GAREM1: variants seen among roughly 807,000 people sequenced by gnomAD.
The protein encoded by GAREM1 is GRB2 associated regulator of MAPK1 subtype 1.
A neutral mutation model predicts 71.3 loss-of-function variants in GAREM1; 26 were observed. That is an observed-to-expected ratio of 0.36 (90% CI 0.27 to 0.51). The LOEUF (loss-of-function observed/expected upper bound fraction) is 0.51, where lower values mean the gene tolerates loss of function less well. Among genes scored for constraint, GAREM1 ranks in the 20% least tolerant of loss-of-function variants. The pLI is 0.95. For missense variants in GAREM1, 1,026 were observed against 1,103.1 expected, an observed-to-expected ratio of 0.93 and a Z score of 0.99; for synonymous variants, 440 against 433.2, an observed-to-expected ratio of 1.02 and a Z score of -0.20.
chr18:32,334,117 C>T (rs947448488), intron 2 of GAREM1, among the ~76,000 whole-genome samples: 2 of 152,070 alleles, frequency 1.3e-5, no homozygotes, highest in African/African-American at 4.8e-5. Flanking sequence ...AGAGCAGAAA[C>T]CCACACAAAC....
intron 2 of GAREM1, among the ~76,000 whole-genome samples, chr18:32,384,698 A>G (rs964557083): frequency 1.9e-4 from 29 of 152,354 alleles, no homozygotes; most frequent in African/African-American, 6.7e-4. Flanking sequence ...ACAAACTCAC[A>G]ATAATTCCCT....
chr18:32,370,214 C>G (rs2047964575), intron 2 of GAREM1, among the ~76,000 whole-genome samples: 1 of 152,012 alleles, frequency 6.6e-6, no homozygotes, highest in South Asian at 2.1e-4. Flanking sequence ...CGGCGGAACA[C>G]AAGGTCAGAT....
At position 32,291,670 on chromosome 18, in the gene GAREM1, G is replaced by A. The variant is rs549120163; in HGVS notation, c.394-3467C>T. Among the ~76,000 whole-genome samples, 13 of 131,074 alleles carry A rather than the reference G, an allele frequency of 9.9e-5. No individual in the cohort carries two copies. The East Asian group carries it at 1.4e-3, about 15-fold the overall frequency. 86.0% of individuals were successfully genotyped at this position (131,074 alleles called of 152,430 possible). A position where few individuals can be genotyped will look rare whatever the true frequency, so the allele number is the denominator to read the frequency against. On this transcript the variant is annotated intron_variant, in intron 3 of 5. Coordinates refer to ENST00000269209, the MANE Select transcript of GAREM1 (RefSeq NM_001242409.2). ...AGCCCCCCACCCCCCAACAGGCCCC[G>A]GTGTGTGATGTTCCCCCAGTGTCCA...
intron 4 of GAREM1, among the ~76,000 whole-genome samples, chr18:32,275,640 C>T (rs1006798045): frequency 4.6e-5 from 7 of 152,186 alleles, no homozygotes; most frequent in African/African-American, 1.4e-4. Flanking sequence ...GCTGCCCCAC[C>T]GCTAGCATAC....
rs913794993 is a variant in GAREM1, at chr18:32,325,766, G to A, written c.263-15443C>T. Among the ~76,000 whole-genome samples the A allele has an allele frequency of 6.6e-5, 10 of 152,204 alleles. No individual in the cohort carries two copies. The East Asian group carries it at 7.7e-4, about 12-fold the overall frequency. Reference sequence around the variant, plus strand: ...AGAGTTTGAATCCTGGCTTTCCCTCGTATCATGCAACTTTGGTTGCATCAT... The same window carrying A: ...AGAGTTTGAATCCTGGCTTTCCCTCATATCATGCAACTTTGGTTGCATCAT... On this transcript the variant is annotated intron_variant, in intron 2 of 5. Transcript: ENST00000269209.
At chr18:32,348,657 G>C (rs1261642217) in intron 2 of GAREM1, among the ~76,000 whole-genome samples, 1 of 152,168 alleles carries the variant, frequency 6.6e-6, no homozygotes, top group African/African-American at 2.4e-5. Flanking sequence ...CTGGGAGGCA[G>C]ACGTTTCAGT....
intron 4 of GAREM1, among the ~76,000 whole-genome samples, chr18:32,281,030 C>T (rs571757844): frequency 3.0e-4 from 46 of 152,290 alleles, no homozygotes; most frequent in Admixed American, 1.5e-3. Flanking sequence ...ATTATTGCTA[C>T]TATTTATTTT....
intron 2 of GAREM1, among the ~76,000 whole-genome samples, chr18:32,358,295 G>C (rs1184449540): frequency 6.6e-6 from 1 of 152,006 alleles, no homozygotes; most frequent in African/African-American, 2.4e-5. Flanking sequence ...CCCCCTGCAG[G>C]GGAAGGGAAC....
At chr18:32,296,002 G>A (rs561589521) in intron 3 of GAREM1, among the ~76,000 whole-genome samples, 6 of 149,736 alleles carry the variant, frequency 4.0e-5, no homozygotes, top group South Asian at 4.2e-4. Context: ...TCACTCTGCC[G>A]CCCAGGCTGG....
chr18:32,334,948 C>G (rs1225598711), intron 2 of GAREM1, among the ~76,000 whole-genome samples: 1 of 152,126 alleles, frequency 6.6e-6, no homozygotes, highest in African/African-American at 2.4e-5. Flanking sequence ...TCTTTGCTGG[C>G]GAATGCCCAC....
At chr18:32,449,201 G>A (rs940577775) in intron 1 of GAREM1, among the ~76,000 whole-genome samples, 1 of 152,158 alleles carries the variant, frequency 6.6e-6, no homozygotes, top group Non-Finnish European at 1.5e-5. Flanking sequence ...TTGTACAGCA[G>A]CTGGCACCAT....
chr18:32,431,531 G>A lies in GAREM1; in HGVS notation c.122-38496C>T. ...TAATCCCAGTTACTGGGAAGGCTGA[G>A]GCAGGAGAATCGCTGGAACCCAGGA... is the stretch of plus-strand genomic sequence containing the variant. On this transcript the variant is annotated intron_variant, in intron 1 of 5. Coordinates refer to ENST00000269209, the MANE Select transcript of GAREM1 (RefSeq NM_001242409.2). Among the ~76,000 whole-genome samples, 2 of 152,174 alleles carry A rather than the reference G, an allele frequency of 1.3e-5. 1 individual carries two copies. Among genetic ancestry groups the A allele is most frequent in the East Asian group, 3.9e-4 (2 of 5,190 alleles).
At chr18:32,401,986 G>C (rs889095236) in intron 1 of GAREM1, among the ~76,000 whole-genome samples, 3 of 152,048 alleles carry the variant, frequency 2.0e-5, no homozygotes, top group African/African-American at 7.2e-5. Flanking sequence ...TATTTTAACT[G>C]AGCTGTGTGC....
In GAREM1 at chr18:32,470,762, G is replaced by A. The variant is rs1398723372; in HGVS notation, c.-334C>T. 1.3e-5 allele frequency among the ~76,000 whole-genome samples: 2 copies of A among 149,636 alleles called. No homozygotes were observed. The highest frequency in any genetic ancestry group is 3.0e-5 in the Non-Finnish European group (2 of 66,986). The stretch of plus-strand genomic sequence containing the variant: ...CGCCTCCTCCTCTGGCCCTGGGTCT[G>A]CAGCTGCGGCGGCCGCCCGCTCGCC... On this transcript the variant is annotated 5_prime_UTR_variant, in exon 1 of 6. Transcript: ENST00000269209. The surrounding 1 kb of genome is among the most constrained non-coding windows in gnomAD (Gnocchi z 4.4).
At chr18:32,343,471 T>C (rs1398989393) in intron 2 of GAREM1, among the ~76,000 whole-genome samples, 1 of 151,886 alleles carries the variant, frequency 6.6e-6, no homozygotes, top group African/African-American at 2.4e-5. Flanking sequence ...CCCGCCAATT[T>C]TGTATCTGTG....
intron 1 of GAREM1, among the ~76,000 whole-genome samples, chr18:32,456,388 G>A (rs1229003879): frequency 6.6e-6 from 1 of 152,094 alleles, no homozygotes; most frequent in Non-Finnish European, 1.5e-5. Flanking sequence ...GCAGCAATAA[G>A]AGCTTTATAT....
In GAREM1 at chr18:32,330,056, C is replaced by G. The variant is rs556611683; in HGVS notation, c.263-19733G>C. ...GTTCTACCAAAAAGATGCCTGCACT[C>G]ATATGTTCATCACAGCACTACTCAC... is the stretch of plus-strand genomic sequence containing the variant. On this transcript the variant is annotated intron_variant, in intron 2 of 5. Coordinates refer to ENST00000269209, the MANE Select transcript of GAREM1 (RefSeq NM_001242409.2). 8.2e-4 allele frequency among the ~76,000 whole-genome samples: 125 copies of G among 152,232 alleles called. 1 individual carries two copies. The highest frequency in any genetic ancestry group is 2.9e-3 in the African/African-American group (119 of 41,542).
intron 1 of GAREM1, among the ~76,000 whole-genome samples, chr18:32,397,449 T>G (rs1599018286): frequency 6.6e-6 from 1 of 151,914 alleles, no homozygotes; most frequent in Non-Finnish European, 1.5e-5. Flanking sequence ...AATAAAAGGA[T>G]GGAGGAAGAT....
intron 2 of GAREM1, among the ~76,000 whole-genome samples, chr18:32,347,417 A>G (rs545382061): frequency 8.5e-5 from 13 of 152,198 alleles, no homozygotes; most frequent in Admixed American, 2.6e-4. Context: ...CTCTGCAGCA[A>G]AGGAAATAAA....
Sources: allele counts gnomAD v4.1 joint callset (sites outside exome capture counted in the v4.1 genomes callset), GRCh38; gene constraint gnomAD v4.1.1; non-coding constraint Gnocchi (gnomAD v3.1); transcripts MANE v1.5; gene names NCBI Gene and HGNC (gene_info 2026-07-23, HGNC 2026-07-21).